Variants in QTMAN observed in about 807,000 individuals in gnomAD.
QTMAN encodes tRNA-queuosine alpha-mannosyltransferase.
chr2:144,267,915 T>C, the QTMAN span, among the ~76,000 whole-genome samples: 1 of 152,240 alleles, frequency 6.6e-6, no homozygotes, highest in Non-Finnish European at 1.5e-5. Context: ...CCAAAATTCC[T>C]ATGTTAAAGC....
At chr2:144,155,120 T>C in the QTMAN span, among the ~76,000 whole-genome samples, 1 of 152,170 alleles carries the variant, frequency 6.6e-6, no homozygotes, top group African/African-American at 2.4e-5. Flanking sequence ...TGATGTGTTA[T>C]TTGATGTCAT....
At chr2:143,943,063 T>A in the QTMAN span, 1 of 152,232 alleles carries the variant, frequency 6.6e-6, no homozygotes, top group African/African-American at 2.4e-5. Flanking sequence ...TCCCTACTTC[T>A]ATGTCCTTTT....
At chr2:144,279,763 A>AT in the QTMAN span, among the ~76,000 whole-genome samples, 1 of 152,224 alleles carries the variant, frequency 6.6e-6, no homozygotes, top group African/African-American at 2.4e-5. Context: ...TCCTTGGTAT[A>AT]TACCATCGCT....
chr2:144,332,530 G>GCCGCGGATGCCGCCGCCCCTCCCGGC, the QTMAN span: 3 of 147,866 alleles, frequency 2.0e-5, no homozygotes, highest in East Asian at 5.9e-4. Context: ...CCCCGCGGCC[G>GCCGCGGATGCCGCCGCCCCTCCCGGC]CCGCGGATGC....
the QTMAN span, among the ~76,000 whole-genome samples, chr2:144,216,013 C>T: frequency 6.6e-6 from 1 of 152,268 alleles, no homozygotes; most frequent in East Asian, 1.9e-4. Flanking sequence ...TCACTACAGC[C>T]ACATTTGGCC....
At chr2:144,105,888 A>C in the QTMAN span, among the ~76,000 whole-genome samples, 1 of 152,246 alleles carries the variant, frequency 6.6e-6, no homozygotes, top group East Asian at 1.9e-4. Flanking sequence ...GAAGCCCATT[A>C]GACTAACAGT....
the QTMAN span, among the ~76,000 whole-genome samples, chr2:144,034,040 T>C: frequency 6.6e-6 from 1 of 152,202 alleles, no homozygotes; most frequent in South Asian, 2.1e-4. Context: ...TCTTACACTG[T>C]CAAGGAGTCC....
chr2:144,007,411 T>C, the QTMAN span: 1 of 1,613,378 alleles, frequency 6.2e-7, no homozygotes, highest in East Asian at 2.2e-5. Context: ...TTAAAATTCT[T>C]CAATAAATCC....
At chr2:144,019,435 G>GGTGTGTGTGTGTGT in the QTMAN span, among the ~76,000 whole-genome samples, 2,062 of 117,168 alleles carry the variant, frequency 0.018, 53 homozygotes, top group East Asian at 0.035. Context: ...TAAGCATGCA[G>GGTGTGTGTGTGTGT]GTGTGTGTGT....
chr2:144,079,832 C>T, the QTMAN span, among the ~76,000 whole-genome samples: 1 of 152,030 alleles, frequency 6.6e-6, no homozygotes, highest in Non-Finnish European at 1.5e-5. Flanking sequence ...GTAAGCAGTA[C>T]TCTTATTGGA....
chr2:144,092,238 T>G, the QTMAN span, among the ~76,000 whole-genome samples: 1 of 151,612 alleles, frequency 6.6e-6, no homozygotes, highest in South Asian at 2.1e-4. Flanking sequence ...TGCAGTGGCA[T>G]GATCTCGGCT....
the QTMAN span, among the ~76,000 whole-genome samples, chr2:143,958,455 A>T: frequency 6.6e-6 from 1 of 152,120 alleles, no homozygotes; most frequent in South Asian, 2.1e-4. Flanking sequence ...ATGCGTGTAA[A>T]ACCATAGAGA....
the QTMAN span, among the ~76,000 whole-genome samples, chr2:144,324,891 C>T: frequency 6.6e-6 from 1 of 151,298 alleles, no homozygotes; most frequent in African/African-American, 2.4e-5. Context: ...AACGTCATCA[C>T]ACCTAACAGG....
chr2:144,187,148 T>C, the QTMAN span, among the ~76,000 whole-genome samples: 1 of 152,204 alleles, frequency 6.6e-6, no homozygotes, highest in Admixed American at 6.5e-5. Flanking sequence ...CACTTTGTGG[T>C]TGTCTTGTCT....
At chr2:144,182,643 C>CA in the QTMAN span, among the ~76,000 whole-genome samples, 3,214 of 34,822 alleles carry the variant, frequency 0.092, 419 homozygotes, top group African/African-American at 0.19. Flanking sequence ...GACTCCGTCT[C>CA]AAAAAAAAAA....
the QTMAN span, among the ~76,000 whole-genome samples, chr2:144,190,013 A>T: frequency 6.6e-6 from 1 of 152,202 alleles, no homozygotes; most frequent in African/African-American, 2.4e-5. Context: ...ACTTCATAAC[A>T]TTAAGGAATT....
At chr2:144,179,609 A>G in the QTMAN span, among the ~76,000 whole-genome samples, 4 of 152,170 alleles carry the variant, frequency 2.6e-5, no homozygotes, top group Non-Finnish European at 4.4e-5. Flanking sequence ...GAACGTCTTC[A>G]TAAGTTGGGA....
At chr2:144,010,062 C>CAAAAAAAAAAAAAAAAAAAAAA in the QTMAN span, among the ~76,000 whole-genome samples, 1 of 74,882 alleles carries the variant, frequency 1.3e-5, no homozygotes. Flanking sequence ...AAGGATTCAC[C>CAAAAAAAAAAAAAAAAAAAAAA]AAAAAAAAAA....
chr2:144,144,204 A>C, the QTMAN span, among the ~76,000 whole-genome samples: 1 of 152,080 alleles, frequency 6.6e-6, no homozygotes, highest in African/African-American at 2.4e-5. Context: ...AATTGTTTTT[A>C]GATAGCTTCC....
Sources: gnomAD v4.1 joint callset for allele counts (sites outside exome capture counted in the v4.1 genomes callset) on GRCh38, gnomAD v4.1.1 for gene constraint, MANE v1.5 for transcripts, NCBI Gene and HGNC (gene_info 2026-07-23, HGNC 2026-07-21) for gene names.